PDCD11: variants seen among roughly 807,000 people sequenced by gnomAD.
PDCD11 encodes the protein protein RRP5 homolog.
In PDCD11, 97 loss-of-function variants were observed where a neutral mutation model predicts 198.9. The ratio of observed to expected loss-of-function variants is 0.49; its 90% CI spans 0.41 to 0.58. PDCD11 has a LOEUF of 0.58. Ranked by LOEUF, PDCD11 falls within the 20% of genes least tolerant of loss-of-function variation. The pLI is 0.00. For missense variants in PDCD11, 2,102 were observed against 2,312.7 expected (o/e 0.91, Z 1.87); for synonymous variants, 893 against 918.0 (o/e 0.97, Z 0.49).
At chr10:103,438,622 G>A in intron 26 of PDCD11, 64 bp from the exon 27 acceptor site, 1 of 1,601,928 alleles carries the variant, frequency 6.2e-7, no homozygotes, top group Non-Finnish European at 8.5e-7. Flanking sequence ...GGTTGCAGGT[G>A]TATTGGGGGT....
intron 16 of PDCD11, among the ~76,000 whole-genome samples, 191 bp from the exon 17 acceptor site, chr10:103,421,157 A>T (rs926354465): frequency 7.2e-5 from 11 of 152,064 alleles, no homozygotes; most frequent in African/African-American, 2.7e-4. Context: ...TACAGGCGTG[A>T]GCCACTGCTC....
rs2030421689 is a variant in PDCD11, at chr10:103,405,988, C to T, written c.568C>T (p.Leu190Phe). The T allele has an allele frequency of 6.2e-7, 1 of 1,613,802 alleles. No individual in the cohort carries two copies. The highest frequency in any genetic ancestry group is 8.5e-7 in the Non-Finnish European group (1 of 1,179,774). The change falls in exon 6 of 36, where the codon CTT becomes TTT. Residue 190 changes from leucine to phenylalanine, a missense_variant. Coordinates refer to ENST00000369797, the MANE Select transcript of PDCD11 (RefSeq NM_014976.2). ...SAEALKPGML[L>F]TGTVSSLEDH... ...GGGACTACTTTCTCTTCCCCAGCTA[C>T]TTACAGGTACCGTATCCAGCCTGGA...
chr10:103,414,304 G>A lies in PDCD11; in HGVS notation c.1345G>A (p.Asp449Asn). Residue 449 changes from aspartate to asparagine, a missense_variant, in exon 11 of 36, where the codon GAC becomes AAC. Physicochemically the swap from Asp to Asn is conservative, Grantham distance 23. Coordinates refer to ENST00000369797, the MANE Select transcript of PDCD11 (RefSeq NM_014976.2). ...IIEAQYLRYH[D>N]IEPGAVVKGT... ...TGAAGCTCAGTACCTTAGATATCAT[G>A]ACATCGAACCTGGGGCAGTGGTAAA... 2 of 1,613,668 alleles carry A rather than the reference G, an allele frequency of 1.2e-6. No individual in the cohort carries two copies. Among genetic ancestry groups the A allele is most frequent in the Non-Finnish European group, 1.7e-6 (2 of 1,179,580 alleles).
At chr10:103,400,563 C>T (rs767602006) in intron 3 of PDCD11, 35 bp downstream of exon 3, 3 of 1,588,330 alleles carry the variant, frequency 1.9e-6, no homozygotes, top group African/African-American at 2.7e-5. Flanking sequence ...AAACAATCGA[C>T]CTTGGTTGCT....
chr10:103,436,019 CTT>C lies in PDCD11; in HGVS notation c.3845+1045_3845+1046del, dbSNP rs548235061. On this transcript the variant is annotated intron_variant, in intron 25 of 35. Coordinates refer to ENST00000369797, the MANE Select transcript of PDCD11 (RefSeq NM_014976.2). The stretch of plus-strand genomic sequence containing the variant: ...CCATTGGTTCAGCAAAAATTGGTCT[CTT>C]GTTTTTTTCTTTTTTTTTTTTTTTG... Among the ~76,000 whole-genome samples, 177 of 149,448 alleles carry C rather than the reference CTT, an allele frequency of 1.2e-3. 1 individual carries two copies. The highest frequency in any genetic ancestry group is 2.0e-3 in the Non-Finnish European group (136 of 67,394).
intron 4 of PDCD11, 86 bp downstream of exon 4, chr10:103,403,371 A>G (rs2030235031): frequency 7.8e-7 from 1 of 1,286,918 alleles, no homozygotes; most frequent in Non-Finnish European, 1.1e-6. Flanking sequence ...GGTGCTAAGA[A>G]GGGAAAGTAC....
At chr10:103,411,807 T>A (rs1476270581) in intron 8 of PDCD11, among the ~76,000 whole-genome samples, 2 of 152,092 alleles carry the variant, frequency 1.3e-5, no homozygotes, top group East Asian at 3.8e-4. Flanking sequence ...GTGTATAGAG[T>A]TGAGACATTT....
intron 8 of PDCD11, among the ~76,000 whole-genome samples, chr10:103,410,439 G>A (rs2030727682): frequency 6.6e-6 from 1 of 151,914 alleles, no homozygotes; most frequent in African/African-American, 2.4e-5. Flanking sequence ...TTTAACATAG[G>A]AGAATAAGAT....
intron 24 of PDCD11, 111 bp from the exon 25 acceptor site, chr10:103,434,687 A>G (rs1456338247): frequency 1.2e-6 from 1 of 835,442 alleles, no homozygotes; most frequent in Non-Finnish European, 1.8e-6. Context: ...CTCAGCCCAG[A>G]TACCCCAAGT....
Position 103,422,057 on chromosome 10 carries a change from TA to T in PDCD11, c.2497+491del, listed in dbSNP as rs1477087924. On this transcript the variant is annotated intron_variant, in intron 17 of 35. Coordinates refer to ENST00000369797, the MANE Select transcript of PDCD11 (RefSeq NM_014976.2). ...ATGACCTGCATAAAGTGCACAATTT[TA>T]TTATTATTATTATTATTATTATTAT... 9.2e-3 allele frequency among the ~76,000 whole-genome samples: 327 copies of T among 35,644 alleles called. 2 individuals carry two copies. The highest frequency in any genetic ancestry group is 0.029 in the South Asian group (44 of 1,528). The allele number at this position is 35,644 out of a possible 152,430, so 23.4% of individuals were successfully genotyped here.
intron 9 of PDCD11, 31 bp from the exon 10 acceptor site, chr10:103,413,935 G>T: frequency 6.3e-7 from 1 of 1,584,560 alleles, no homozygotes. Flanking sequence ...TGTTGTCCCT[G>T]GCTTATCCTC....
chr10:103,410,149 C>T (rs1054811045), intron 8 of PDCD11, among the ~76,000 whole-genome samples: 14 of 151,828 alleles, frequency 9.2e-5, no homozygotes, highest in Admixed American at 5.3e-4. Flanking sequence ...GCAGGAGAAT[C>T]GCTTGAACCC....
intron 16 of PDCD11, 98 bp from the exon 17 acceptor site, chr10:103,421,250 A>G: frequency 1.1e-6 from 1 of 912,004 alleles, no homozygotes; most frequent in Non-Finnish European, 1.7e-6. Context: ...CCTAGGCCCC[A>G]TTTCCCCCTA....
At chr10:103,423,738 T>A in intron 19 of PDCD11, 80 bp downstream of exon 19, 1 of 919,264 alleles carries the variant, frequency 1.1e-6, no homozygotes, top group Non-Finnish European at 1.8e-6. Context: ...GGATTCCAAC[T>A]CAGATGCCTG....
At position 103,442,290 on chromosome 10, in the gene PDCD11, G is replaced by A. The variant is rs748163148; in HGVS notation, c.4785G>A (p.Leu1595=). 3.6e-5 allele frequency: 58 copies of A among 1,614,116 alleles called. No homozygotes were observed. The highest frequency in any genetic ancestry group is 4.8e-5 in the Non-Finnish European group (57 of 1,180,050). Residue 1595 remains leucine (L), a synonymous_variant, in exon 32 of 36, where the codon CTG becomes CTA. Transcript: ENST00000369797. ...AACTGTCCCGCATTGAGGAGGCGCT[G>A]ATGGATCCTGGGCGGCAGCCAGAGT... ...EKELSRIEEA[L]MDPGRQPESA...
At chr10:103,443,736 G>T (rs761511970) in intron 33 of PDCD11, among the ~76,000 whole-genome samples, 179 bp from the exon 34 acceptor site, 3 of 152,198 alleles carry the variant, frequency 2.0e-5, no homozygotes, top group Non-Finnish European at 4.4e-5. Flanking sequence ...TGTTGTGCCT[G>T]TTCACGGTGC....
chr10:103,439,994 A>C (rs1454682351), intron 28 of PDCD11, 126 bp downstream of exon 28: 5 of 1,194,024 alleles, frequency 4.2e-6, no homozygotes, highest in Non-Finnish European at 6.0e-6. Flanking sequence ...TCAGATGAAT[A>C]AAAGGCCTTT....
rs770087715 is a variant in PDCD11 at position 103,440,892 on chromosome 10, AGG to A, written c.4557+44_4557+45del. ...GGGGAGGGGAAGGCTGCTCCAGGCA[AGG>A]GAAGAGCTGGGCCATCCTCTGCCTC... On this transcript the variant is annotated intron_variant, in intron 30 of 35. Coordinates refer to ENST00000369797, the MANE Select transcript of PDCD11 (RefSeq NM_014976.2). 269 of 1,398,728 alleles carry A rather than the reference AGG, an allele frequency of 1.9e-4. 1 individual carries two copies. In the Middle Eastern group the frequency reaches 2.0e-3, roughly 10 times the overall value. 86.6% of individuals were successfully genotyped at this position (1,398,728 alleles called of 1,614,324 possible).
chr10:103,434,843 T>A lies in PDCD11; in HGVS notation c.3713T>A (p.Val1238Glu). 4.3e-6 allele frequency: 7 copies of A among 1,612,376 alleles called. No homozygotes were observed. Among genetic ancestry groups the A allele is most frequent in the Non-Finnish European group, 5.9e-6 (7 of 1,179,314 alleles). ...GGGGAAGTGGCCATGGGCCGAGTGG[T>A]GAAGGTGACTCCCAACGAGGGGCTG... The part of the protein sequence containing the change: ...EEGEVAMGRV[V>E]KVTPNEGLTV... The change falls in exon 25 of 36, where the codon GTG becomes GAG. Residue 1238 changes from valine to glutamate, a missense_variant. Physicochemically the swap from Val to Glu is moderately radical, Grantham distance 121. Coordinates refer to ENST00000369797, the MANE Select transcript of PDCD11 (RefSeq NM_014976.2).
Sources: allele counts gnomAD v4.1 joint callset (sites outside exome capture counted in the v4.1 genomes callset), GRCh38; gene constraint gnomAD v4.1.1; transcripts MANE v1.5; gene names NCBI Gene and HGNC (gene_info 2026-07-23, HGNC 2026-07-21).